SNX29: variants seen among roughly 807,000 people sequenced by gnomAD.
SNX29 encodes the protein sorting nexin 29.
SNX29 carries 78 observed loss-of-function variants against 102.1 expected under a neutral mutation model. The observed-to-expected ratio is 0.76, with a 90% CI of 0.64 to 0.92. The LOEUF (loss-of-function observed/expected upper bound fraction) is 0.92. Ranked by LOEUF, SNX29 falls within the 40% of genes least tolerant of loss-of-function variation. SNX29 has a pLI of 0.00. For synonymous variants in SNX29, 580 were observed against 414.5 expected, an observed-to-expected ratio of 1.40 and a Z score of -4.85; for missense variants, 1,280 against 1,061.7, an observed-to-expected ratio of 1.21 and a Z score of -2.86.
chr16:12,207,076 C>T (rs2077063158), intron 14 of SNX29, among the ~76,000 whole-genome samples: 2 of 152,000 alleles, frequency 1.3e-5, no homozygotes, highest in South Asian at 4.1e-4. Context: ...GAGTTAAGAC[C>T]TGGGAGGCTA....
chr16:12,110,559 G>C (rs1050209042), intron 11 of SNX29, among the ~76,000 whole-genome samples: 2 of 152,156 alleles, frequency 1.3e-5, no homozygotes, highest in East Asian at 3.9e-4. Context: ...CAGGTGTGGT[G>C]GCTGGGCTGC....
At chr16:12,066,359 C>T (rs111265468) in intron 9 of SNX29, among the ~76,000 whole-genome samples, 1,898 of 152,200 alleles carry the variant, frequency 0.012, 21 homozygotes, top group South Asian at 0.054. Flanking sequence ...GTCTTGGATC[C>T]CCCTGGCTCT....
At chr16:12,448,797 C>T (rs934789665) in intron 18 of SNX29, among the ~76,000 whole-genome samples, 27 of 152,314 alleles carry the variant, frequency 1.8e-4, no homozygotes, top group African/African-American at 6.5e-4. Context: ...ACAAGCTGTC[C>T]TGATCAGGTG....
chr16:12,003,070 G>T, intron 3 of SNX29, 27 bp downstream of exon 3: 1 of 1,613,512 alleles, frequency 6.2e-7, no homozygotes, highest in South Asian at 1.1e-5. Flanking sequence ...TAAAACCGTT[G>T]ACCATCGAGG....
chr16:12,415,130 G>A (rs1488303563), intron 18 of SNX29, among the ~76,000 whole-genome samples: 2 of 152,246 alleles, frequency 1.3e-5, no homozygotes, highest in Admixed American at 1.3e-4. Context: ...CTCCAAGTCC[G>A]GGCAAAAATT....
intron 3 of SNX29, among the ~76,000 whole-genome samples, chr16:12,015,594 G>T (rs1451548507): frequency 1.3e-5 from 2 of 149,990 alleles, no homozygotes; most frequent in Non-Finnish European, 2.9e-5. Flanking sequence ...GGAGTGCAGT[G>T]ATGCGATCTT....
At chr16:12,368,167 G>T (rs555310853) in intron 16 of SNX29, among the ~76,000 whole-genome samples, 5 of 152,210 alleles carry the variant, frequency 3.3e-5, no homozygotes, top group Non-Finnish European at 7.3e-5. Context: ...TGGGTGGTCA[G>T]TTTCCCCTGG....
intron 15 of SNX29, among the ~76,000 whole-genome samples, chr16:12,342,409 G>A (rs900429930): frequency 6.6e-6 from 1 of 152,312 alleles, no homozygotes; most frequent in African/African-American, 2.4e-5. Context: ...TCAGAGCTGT[G>A]TAGAAACAAT....
intron 12 of SNX29, among the ~76,000 whole-genome samples, chr16:12,128,575 C>T (rs1376832561): frequency 6.6e-6 from 1 of 151,874 alleles, no homozygotes; most frequent in East Asian, 1.9e-4. Context: ...GCCTCAGCCC[C>T]CCGAATAGCT....
intron 18 of SNX29, among the ~76,000 whole-genome samples, chr16:12,439,247 C>G (rs966106377): frequency 1.5e-5 from 2 of 136,114 alleles, no homozygotes; most frequent in Non-Finnish European, 3.2e-5. Context: ...GGGCCAGCAG[C>G]TGCATGTCTA....
chr16:12,379,648 A>G (rs1567501295), intron 16 of SNX29, among the ~76,000 whole-genome samples: 1 of 152,244 alleles, frequency 6.6e-6, no homozygotes, highest in Non-Finnish European at 1.5e-5. Flanking sequence ...TAATTGCACT[A>G]TGCCTGGCAT....
rs553569411 is a variant in SNX29, at chr16:12,536,460, C to G, written c.2318+11619C>G. On this transcript the variant is annotated intron_variant, in intron 20 of 20. Transcript: ENST00000566228. ...GTGCAGGCTTGGGTTTGACTCAAGG[C>G]TATGCCGTTTACTTTATCAGTGATC... Among the ~76,000 whole-genome samples, 7 of 152,090 alleles carry G rather than the reference C, an allele frequency of 4.6e-5. No homozygotes were observed. The South Asian group carries it at 1.2e-3, about 27-fold the overall frequency.
chr16:12,473,032 T>C (rs186777590), intron 18 of SNX29, among the ~76,000 whole-genome samples: 1 of 152,204 alleles, frequency 6.6e-6, no homozygotes. Flanking sequence ...CTCCAAGGAA[T>C]TATTATCTTT....
chr16:12,560,923 C>T (rs545473064), intron 20 of SNX29: 10 of 200,926 alleles, frequency 5.0e-5, no homozygotes, highest in African/African-American at 1.6e-4. Context: ...AAATAAAGTA[C>T]CTCGTGGTGT....
intron 14 of SNX29, among the ~76,000 whole-genome samples, chr16:12,243,301 T>G (rs117862015): frequency 0.014 from 2,125 of 152,360 alleles, 22 homozygotes; most frequent in Admixed American, 0.021. Context: ...TCTGACCCCC[T>G]AGCCTGGACA....
intron 13 of SNX29, among the ~76,000 whole-genome samples, chr16:12,169,364 C>T (rs899192397): frequency 3.3e-5 from 5 of 152,112 alleles, no homozygotes; most frequent in East Asian, 1.9e-4. Flanking sequence ...ATGTAGCTCT[C>T]GTGGGTGGGA....
intron 13 of SNX29, among the ~76,000 whole-genome samples, chr16:12,142,132 C>G (rs1348239984): frequency 6.6e-6 from 1 of 152,198 alleles, no homozygotes; most frequent in Non-Finnish European, 1.5e-5. Flanking sequence ...TGTGCAAGGT[C>G]CCTTTCAGTT....
intron 20 of SNX29, among the ~76,000 whole-genome samples, chr16:12,561,786 G>T (rs542703856): frequency 2.0e-5 from 3 of 152,126 alleles, no homozygotes; most frequent in Non-Finnish European, 4.4e-5. Flanking sequence ...TCAGGACCAC[G>T]CGTGGCCTGG....
chr16:12,156,653 G>A (rs551413293), intron 13 of SNX29, among the ~76,000 whole-genome samples: 109 of 152,372 alleles, frequency 7.2e-4, no homozygotes, highest in African/African-American at 2.5e-3. Context: ...GCTGAGAGCC[G>A]TGTTTTGTTT....
Sources: allele counts gnomAD v4.1 joint callset (sites outside exome capture counted in the v4.1 genomes callset), GRCh38; gene constraint gnomAD v4.1.1; transcripts MANE v1.5; gene names NCBI Gene and HGNC (gene_info 2026-07-23, HGNC 2026-07-21).